Variants in GARIN2 observed in about 807,000 individuals in gnomAD.
GARIN2 encodes the protein Golgi-associated RAB2 interactor protein 2.
chr14:67,209,743 G>A, the GARIN2 span, among the ~76,000 whole-genome samples: 65 of 151,020 alleles, frequency 4.3e-4, no homozygotes, highest in African/African-American at 1.5e-3. Flanking sequence ...GCCTGAACCC[G>A]GGAGACTGAG....
chr14:67,193,694 G>A, the GARIN2 span, among the ~76,000 whole-genome samples: 1 of 147,856 alleles, frequency 6.8e-6, no homozygotes, highest in African/African-American at 2.5e-5. Flanking sequence ...TATAATCCCA[G>A]CACTTTGGGA....
chr14:67,203,402 C>T, the GARIN2 span: 5 of 853,792 alleles, frequency 5.9e-6, no homozygotes, highest in South Asian at 2.2e-5. Flanking sequence ...GCATGTTACT[C>T]GCACTCCCTG....
the GARIN2 span, among the ~76,000 whole-genome samples, chr14:67,197,559 C>T: frequency 6.6e-6 from 1 of 152,050 alleles, no homozygotes; most frequent in African/African-American, 2.4e-5. Flanking sequence ...CAGCAGGGAC[C>T]AGTGTTGTGG....
At chr14:67,227,154 G>A in the GARIN2 span, among the ~76,000 whole-genome samples, 1 of 152,028 alleles carries the variant, frequency 6.6e-6, no homozygotes, top group African/African-American at 2.4e-5. Context: ...TGAAAAATTT[G>A]CTCCCAGCTG....
the GARIN2 span, among the ~76,000 whole-genome samples, chr14:67,193,074 C>T: frequency 2.1e-5 from 3 of 142,202 alleles, no homozygotes; most frequent in Non-Finnish European, 3.0e-5. Flanking sequence ...CTATATATAT[C>T]CATATATCTA....
the GARIN2 span, among the ~76,000 whole-genome samples, chr14:67,213,688 G>C: frequency 6.6e-6 from 1 of 152,084 alleles, no homozygotes; most frequent in African/African-American, 2.4e-5. Flanking sequence ...CCAGTAATGG[G>C]ATGGCTGGGT....
the GARIN2 span, among the ~76,000 whole-genome samples, chr14:67,206,785 C>T: frequency 6.6e-6 from 1 of 152,054 alleles, no homozygotes; most frequent in African/African-American, 2.4e-5. Flanking sequence ...GGCTGGAGTG[C>T]AGTGGTGAGA....
At chr14:67,206,553 T>C in the GARIN2 span, among the ~76,000 whole-genome samples, 4 of 151,876 alleles carry the variant, frequency 2.6e-5, no homozygotes, top group African/African-American at 9.7e-5. Flanking sequence ...ATTCACATAG[T>C]TCTACACAAT....
the GARIN2 span, chr14:67,198,294 C>G: frequency 3.7e-6 from 6 of 1,613,562 alleles, no homozygotes; most frequent in Non-Finnish European, 4.2e-6. Context: ...TGTATCTCCT[C>G]CCATGTTAGA....
At chr14:67,208,991 A>T in the GARIN2 span, among the ~76,000 whole-genome samples, 4 of 152,202 alleles carry the variant, frequency 2.6e-5, no homozygotes, top group African/African-American at 9.6e-5. Context: ...CCATAAAAAA[A>T]TTTCAGATAG....
chr14:67,195,713 T>TG, the GARIN2 span, among the ~76,000 whole-genome samples: 3 of 143,232 alleles, frequency 2.1e-5, no homozygotes, highest in African/African-American at 5.1e-5. Context: ...TTCTTTTTGG[T>TG]TGTGTGTGTG....
chr14:67,208,626 C>G, the GARIN2 span, among the ~76,000 whole-genome samples: 3 of 152,172 alleles, frequency 2.0e-5, no homozygotes, highest in Non-Finnish European at 4.4e-5. Flanking sequence ...TCAACTTTGG[C>G]TAATTTTTAT....
chr14:67,204,405 G>T, the GARIN2 span: 1 of 1,289,342 alleles, frequency 7.8e-7, no homozygotes. Context: ...CATCACCACT[G>T]CACTCCAACG....
the GARIN2 span, among the ~76,000 whole-genome samples, chr14:67,225,960 T>TGC: frequency 1.3e-3 from 156 of 119,798 alleles, no homozygotes; most frequent in South Asian, 4.7e-3. Context: ...TGTGTGTGTG[T>TGC]GTGCGCGCGC....
At chr14:67,199,898 C>T in the GARIN2 span, 76 of 1,481,476 alleles carry the variant, frequency 5.1e-5, 1 homozygote, top group South Asian at 1.0e-3. Flanking sequence ...TCGGCAGGAA[C>T]CCCAGGGGCA....
At chr14:67,199,414 T>G in the GARIN2 span, 1 of 1,613,798 alleles carries the variant, frequency 6.2e-7, no homozygotes, top group Non-Finnish European at 8.5e-7. Context: ...TGCTTTATGA[T>G]ACTTTCAGCG....
At chr14:67,198,860 T>C in the GARIN2 span, 1 of 629,736 alleles carries the variant, frequency 1.6e-6, no homozygotes, top group East Asian at 3.0e-5. Context: ...GACAAAGAAA[T>C]GGTGAAATGA....
At chr14:67,195,150 A>G in the GARIN2 span, among the ~76,000 whole-genome samples, 1 of 152,258 alleles carries the variant, frequency 6.6e-6, no homozygotes, top group Admixed American at 6.5e-5. Context: ...TGTAAAAATA[A>G]TTCCAGAACA....
At chr14:67,216,257 C>T in the GARIN2 span, among the ~76,000 whole-genome samples, 24 of 152,202 alleles carry the variant, frequency 1.6e-4, no homozygotes, top group South Asian at 5.0e-3. Context: ...ATTTTGTCAT[C>T]TATATTCATC....
Sources: gnomAD v4.1 joint callset for allele counts (sites outside exome capture counted in the v4.1 genomes callset) on GRCh38, gnomAD v4.1.1 for gene constraint, MANE v1.5 for transcripts, NCBI Gene and HGNC (gene_info 2026-07-23, HGNC 2026-07-21) for gene names.